CHCHD6: variants seen among roughly 807,000 people sequenced by gnomAD.
The protein encoded by CHCHD6 is MICOS complex subunit MIC25.
A neutral mutation model predicts 32.3 loss-of-function variants in CHCHD6; 28 were observed. The ratio of observed to expected loss-of-function variants is 0.87; its 90% CI spans 0.64 to 1.19. The LOEUF is 1.19. CHCHD6 is among the 50% of genes most tolerant of loss of function. The pLI is 0.00. For missense variants in CHCHD6, 333 were observed against 307.0 expected, an observed-to-expected ratio of 1.08 and a Z score of -0.63; for synonymous variants, 122 against 117.5, an observed-to-expected ratio of 1.04 and a Z score of -0.25.
At chr3:126,894,204 A>T (rs2077804757) in intron 5 of CHCHD6, among the ~76,000 whole-genome samples, 1 of 152,188 alleles carries the variant, frequency 6.6e-6, no homozygotes, top group African/African-American at 2.4e-5. Context: ...TTTTTCTTAG[A>T]CACAACCTGG....
chr3:126,872,483 T>G (rs1482112411), intron 5 of CHCHD6, among the ~76,000 whole-genome samples: 1 of 152,162 alleles, frequency 6.6e-6, no homozygotes, highest in East Asian at 1.9e-4. Context: ...TAGTCTAGGC[T>G]CGGGCTCAAG....
chr3:126,933,423 GT>G (rs765706955), intron 6 of CHCHD6, among the ~76,000 whole-genome samples: 4 of 152,166 alleles, frequency 2.6e-5, no homozygotes, highest in Non-Finnish European at 4.4e-5. Flanking sequence ...TTGAGGCTGG[GT>G]AATTTATAAA....
At chr3:126,812,467 C>T (rs547328304) in intron 4 of CHCHD6, among the ~76,000 whole-genome samples, 79 of 151,792 alleles carry the variant, frequency 5.2e-4, no homozygotes, top group South Asian at 1.7e-3. Context: ...CTTGTTGCCA[C>T]GGCTGGAGTG....
At chr3:126,922,332 C>G (rs1407417127) in intron 6 of CHCHD6, among the ~76,000 whole-genome samples, 1 of 152,190 alleles carries the variant, frequency 6.6e-6, no homozygotes, top group East Asian at 1.9e-4. Context: ...ACCTCTCAGA[C>G]TCAGTTTCCC....
At chr3:126,792,728 T>C (rs1429870841) in intron 4 of CHCHD6, among the ~76,000 whole-genome samples, 1 of 152,252 alleles carries the variant, frequency 6.6e-6, no homozygotes, top group African/African-American at 2.4e-5. Flanking sequence ...TTTATTGTTA[T>C]GTGAAGTGTT....
chr3:126,925,045 T>G (rs1014403063), intron 6 of CHCHD6, among the ~76,000 whole-genome samples: 1 of 152,214 alleles, frequency 6.6e-6, no homozygotes, highest in Admixed American at 6.5e-5. Flanking sequence ...GTATAGCTTT[T>G]GTGCTGTCAG....
chr3:126,714,523 G>A (rs923441776), intron 1 of CHCHD6, among the ~76,000 whole-genome samples: 3 of 152,140 alleles, frequency 2.0e-5, no homozygotes, highest in Admixed American at 6.5e-5. Flanking sequence ...TTCGGATCAC[G>A]GGGTTGGGCA....
chr3:126,790,637 C>T (rs537948874), intron 4 of CHCHD6, among the ~76,000 whole-genome samples: 15 of 152,276 alleles, frequency 9.9e-5, no homozygotes, highest in South Asian at 2.1e-4. Flanking sequence ...CTTGTGCATT[C>T]GTCATGTAGT....
intron 1 of CHCHD6, among the ~76,000 whole-genome samples, chr3:126,710,039 A>G (rs188780343): frequency 2.0e-5 from 3 of 152,300 alleles, no homozygotes; most frequent in Non-Finnish European, 2.9e-5. Context: ...GCCATAGACA[A>G]TATGCTTAAG....
chr3:126,796,873 G>A (rs1193878983), intron 4 of CHCHD6, among the ~76,000 whole-genome samples: 1 of 152,198 alleles, frequency 6.6e-6, no homozygotes, highest in Non-Finnish European at 1.5e-5. Flanking sequence ...CCTCACAGTG[G>A]CCCTGAGAAG....
intron 3 of CHCHD6, 134 bp from the exon 4 acceptor site, chr3:126,732,944 C>G (rs138462113): frequency 3.2e-6 from 3 of 932,150 alleles, no homozygotes; most frequent in Non-Finnish European, 4.9e-6. Flanking sequence ...ACAGCACTCT[C>G]TCCTTTCCTG....
intron 1 of CHCHD6, 116 bp downstream of exon 1, chr3:126,704,515 A>T (rs956068132): frequency 4.9e-6 from 3 of 608,132 alleles, no homozygotes; most frequent in Non-Finnish European, 7.6e-6. Flanking sequence ...GGGGCTTGGG[A>T]GACTCCGGGG....
intron 5 of CHCHD6, among the ~76,000 whole-genome samples, chr3:126,887,354 GCTAA>G (rs745924004): frequency 2.0e-5 from 3 of 152,070 alleles, no homozygotes; most frequent in African/African-American, 7.2e-5. Flanking sequence ...CTTTAAAAGT[GCTAA>G]CTTTCATTGT....
intron 4 of CHCHD6, among the ~76,000 whole-genome samples, chr3:126,736,378 T>C (rs1936044013): frequency 6.6e-6 from 1 of 152,032 alleles, no homozygotes; most frequent in African/African-American, 2.4e-5. Context: ...GCAGAATGAG[T>C]TGTCTGCCCA....
intron 5 of CHCHD6, among the ~76,000 whole-genome samples, chr3:126,857,701 G>C (rs1941709440): frequency 6.6e-6 from 1 of 152,198 alleles, no homozygotes; most frequent in African/African-American, 2.4e-5. Flanking sequence ...AATGTGAAAA[G>C]AGCTCAGCCT....
chr3:126,817,142 C>T (rs1241251209), intron 4 of CHCHD6, among the ~76,000 whole-genome samples: 1 of 152,076 alleles, frequency 6.6e-6, no homozygotes, highest in East Asian at 1.9e-4. Context: ...AAACAATCGC[C>T]GACTGCTCTC....
At chr3:126,904,464 T>C (rs2077976660) in intron 5 of CHCHD6, among the ~76,000 whole-genome samples, 1 of 152,216 alleles carries the variant, frequency 6.6e-6, no homozygotes, top group African/African-American at 2.4e-5. Flanking sequence ...GTATTCAGTG[T>C]GAATCACATT....
At chr3:126,863,895 C>CATT (rs1942101714) in intron 5 of CHCHD6, among the ~76,000 whole-genome samples, 1 of 144,582 alleles carries the variant, frequency 6.9e-6, no homozygotes, top group Non-Finnish European at 1.5e-5. Context: ...CCTCCTCCAC[C>CATT]ATCAACACCT....
Position 126,944,274 on chromosome 3 carries a change from A to G in CHCHD6, c.567-13142A>G, listed in dbSNP as rs557999220. Among the ~76,000 whole-genome samples, 35 of 152,374 alleles carry G rather than the reference A, an allele frequency of 2.3e-4. No homozygotes were observed. In the East Asian group the frequency reaches 5.0e-3, roughly 22 times the overall value. Reference sequence around the variant, plus strand: ...CAGGGCTCAGCCCACCGGGTTACAAAGGCCCCAGGTCAGACTGCACACATC... The same window carrying G: ...CAGGGCTCAGCCCACCGGGTTACAAGGGCCCCAGGTCAGACTGCACACATC... On this transcript the variant is annotated intron_variant, in intron 6 of 7. Transcript: ENST00000290913.
Sources: allele counts gnomAD v4.1 joint callset (sites outside exome capture counted in the v4.1 genomes callset), GRCh38; gene constraint gnomAD v4.1.1; transcripts MANE v1.5; gene names NCBI Gene and HGNC (gene_info 2026-07-23, HGNC 2026-07-21).